The following PRH1 variants were observed in gnomAD, a reference collection of about 807,000 sequenced individuals.
PRH1 encodes the protein proline rich protein HaeIII subfamily 1.
In PRH1, 7 loss-of-function variants were observed where a neutral mutation model predicts 7.9. That is an observed-to-expected ratio of 0.89 (90% CI 0.50 to 1.67). The LOEUF is 1.67. PRH1 is among the 40% of genes most tolerant of loss of function. PRH1 has a pLI of 0.00. For synonymous variants in PRH1, 45 were observed against 80.8 expected (o/e 0.56, Z 2.38); for missense variants, 109 against 223.6 (o/e 0.49, Z 3.27).
intron 1 of PRH1, among the ~76,000 whole-genome samples, chr12:11,099,481 G>C (rs1385137776): frequency 6.6e-6 from 1 of 152,102 alleles, no homozygotes; most frequent in Non-Finnish European, 1.5e-5. Flanking sequence ...GGCAGATCAC[G>C]AGGTCAAGAG....
intron 2 of PRH1, among the ~76,000 whole-genome samples, chr12:10,936,668 A>G (rs1171953789): frequency 6.6e-6 from 1 of 152,200 alleles, no homozygotes; most frequent in Non-Finnish European, 1.5e-5. Context: ...AATGGTATAT[A>G]AATGGAATCA....
chr12:11,006,589 C>G (rs567462769), intron 1 of PRH1, among the ~76,000 whole-genome samples: 1 of 151,826 alleles, frequency 6.6e-6, no homozygotes, highest in African/African-American at 2.4e-5. Flanking sequence ...AGAACGAATG[C>G]AAACACACAG....
chr12:10,881,860 G>A (rs946857879), intron 3 of PRH1, among the ~76,000 whole-genome samples: 5 of 152,200 alleles, frequency 3.3e-5, no homozygotes, highest in African/African-American at 9.6e-5. Context: ...CCTGATGTGA[G>A]GCAGGACTGA....
rs572412322 is a variant in PRH1 at position 11,096,780 on chromosome 12, C to T, written n.124-49592G>A. Among the ~76,000 whole-genome samples, 11 of 112,942 alleles carry T rather than the reference C, an allele frequency of 9.7e-5. 3 individuals carry two copies. The highest frequency in any genetic ancestry group is 2.4e-4 in the South Asian group (1 of 4,136). The allele number at this position is 112,942 out of a possible 152,430, so 74.1% of individuals were successfully genotyped here. On this transcript the variant is annotated intron_variant and non_coding_transcript_variant, in intron 1 of 4. Coordinates refer to the PRH1 transcript ENST00000541977. ...TCTATTCCATTATTTAAATTTTATG[C>T]GGTTTTTGTTTTTTTTGTTGTTGTT...
At chr12:10,932,335 A>T (rs1950225860) in intron 2 of PRH1, 1 of 340,656 alleles carries the variant, frequency 2.9e-6, no homozygotes, top group Admixed American at 2.5e-5. Context: ...TGATTATAGC[A>T]TCTCCTTCTG....
chr12:10,931,509 A>G (rs1424102969), intron 2 of PRH1, among the ~76,000 whole-genome samples: 2 of 152,160 alleles, frequency 1.3e-5, no homozygotes, highest in Non-Finnish European at 2.9e-5. Flanking sequence ...GTTAAATGGT[A>G]TCTCATTTTT....
rs1272007632 is a variant in PRH1, at chr12:11,017,307, T to A, written c.-126+29713A>T. On this transcript the variant is annotated intron_variant, in intron 1 of 3. Coordinates refer to the PRH1 transcript ENST00000539853. ...AATATATTAATAATGTTACGGTAAT[T>A]GGTACAATAACCAGGAAATGGAAAG... Among the ~76,000 whole-genome samples, 8 of 152,114 alleles carry A rather than the reference T, an allele frequency of 5.3e-5. No individual in the cohort carries two copies. In the East Asian group the frequency reaches 1.5e-3, roughly 29 times the overall value.
At chr12:11,109,253 A>G (rs527759610) in intron 1 of PRH1, among the ~76,000 whole-genome samples, 2 of 152,196 alleles carry the variant, frequency 1.3e-5, no homozygotes, top group Non-Finnish European at 2.9e-5. Context: ...ATCAGCAGAC[A>G]TAAACTTTCC....
intron 2 of PRH1, among the ~76,000 whole-genome samples, chr12:10,902,687 C>A (rs182745947): frequency 1.3e-4 from 20 of 152,260 alleles, no homozygotes; most frequent in African/African-American, 4.8e-4. Flanking sequence ...AGAAACCTTA[C>A]AAGCCAGGAG....
chr12:10,941,466 G>A (rs1950398923), intron 2 of PRH1, among the ~76,000 whole-genome samples: 1 of 152,072 alleles, frequency 6.6e-6, no homozygotes, highest in Admixed American at 6.6e-5. Flanking sequence ...ATACAGAACA[G>A]ATTAGTGTGT....
intron 1 of PRH1, among the ~76,000 whole-genome samples, chr12:11,066,798 A>G (rs1356520961): frequency 6.6e-6 from 1 of 151,772 alleles, no homozygotes; most frequent in African/African-American, 2.4e-5. Context: ...GATTCTCAGC[A>G]TCAGGCCTAG....
rs968540563 is a variant in PRH1 at position 11,152,845 on chromosome 12, C to A, written n.39+18577G>T. Reference sequence around the variant, plus strand: ...GGGCCTTCTTGTATTTTGATGATCACCATGAGAATAGCCACAGCTACACTT... The same window carrying A: ...GGGCCTTCTTGTATTTTGATGATCAACATGAGAATAGCCACAGCTACACTT... On this transcript the variant is annotated intron_variant and non_coding_transcript_variant, in intron 1 of 1. Coordinates refer to the PRH1 transcript ENST00000541175. Among the ~76,000 whole-genome samples, 12 of 152,226 alleles carry A rather than the reference C, an allele frequency of 7.9e-5. No homozygotes were observed. The East Asian group carries it at 1.7e-3, about 22-fold the overall frequency.
At chr12:10,966,044 G>GA (rs1938485338) in intron 2 of PRH1, among the ~76,000 whole-genome samples, 2 of 151,968 alleles carry the variant, frequency 1.3e-5, no homozygotes, top group Admixed American at 1.3e-4. Flanking sequence ...TACCCATCCA[G>GA]AAAAAATGAA....
At chr12:11,119,618 T>G (rs1258991615), downstream of PRH1, among the ~76,000 whole-genome samples, 1 of 152,152 alleles carries the variant, frequency 6.6e-6, no homozygotes, top group African/African-American at 2.4e-5. Flanking sequence ...TGTTTACTGA[T>G]AAGGTAAACT....
intron 2 of PRH1, among the ~76,000 whole-genome samples, chr12:10,966,447 A>C (rs571091324): frequency 6.6e-6 from 1 of 152,172 alleles, no homozygotes; most frequent in East Asian, 1.9e-4. Context: ...TTTTCTGTTT[A>C]TTATGAGAAC....
intron 1 of PRH1, among the ~76,000 whole-genome samples, chr12:11,057,887 G>A (rs972429300): frequency 6.6e-6 from 1 of 152,238 alleles, no homozygotes; most frequent in African/African-American, 2.4e-5. Context: ...TTTATGTCAG[G>A]ACTATGTCAC....
chr12:11,027,164 C>A (rs1202284429), intron 1 of PRH1, among the ~76,000 whole-genome samples: 4 of 150,880 alleles, frequency 2.7e-5, no homozygotes. Context: ...GCTAGCAATG[C>A]AGAGGTGGGG....
chr12:11,151,273 CTTT>C (rs66683210), intron 1 of PRH1, among the ~76,000 whole-genome samples: 4 of 146,756 alleles, frequency 2.7e-5, no homozygotes, highest in Non-Finnish European at 4.5e-5. Context: ...GTCATCCTTG[CTTT>C]TTTTTTTTTT....
intron 1 of PRH1, among the ~76,000 whole-genome samples, chr12:11,168,799 T>C (rs1305315227): frequency 2.6e-5 from 4 of 152,194 alleles, no homozygotes; most frequent in Non-Finnish European, 5.9e-5. Context: ...TATTTCCCAA[T>C]GGAATGTTAA....
Sources: gnomAD v4.1 joint callset for allele counts (sites outside exome capture counted in the v4.1 genomes callset) on GRCh38, gnomAD v4.1.1 for gene constraint, MANE v1.5 for transcripts, NCBI Gene and HGNC (gene_info 2026-07-23, HGNC 2026-07-21) for gene names.